Variants in EXT1 observed in about 807,000 individuals in gnomAD.
EXT1 encodes exostosin-1.
EXT1 carries 20 observed loss-of-function variants against 82.5 expected under a neutral mutation model. The ratio of observed to expected loss-of-function variants is 0.24; its 90% CI spans 0.17 to 0.35. The LOEUF is 0.35. EXT1 is among the 10% of genes least tolerant of loss of function. The pLI, the probability that EXT1 is intolerant of heterozygous loss-of-function variation, is 1.00. For synonymous variants in EXT1, 348 were observed against 350.8 expected, an observed-to-expected ratio of 0.99 and a Z score of 0.09; for missense variants, 757 against 936.5, an observed-to-expected ratio of 0.81 and a Z score of 2.50.
intron 1 of EXT1, among the ~76,000 whole-genome samples, chr8:117,975,815 C>A (rs1461096265): frequency 6.6e-6 from 1 of 152,198 alleles, no homozygotes; most frequent in Non-Finnish European, 1.5e-5. Flanking sequence ...AACCTCCTTG[C>A]TCTGTAGTTT....
At chr8:117,831,019 T>C (rs1305042773) in intron 3 of EXT1, among the ~76,000 whole-genome samples, 1 of 152,212 alleles carries the variant, frequency 6.6e-6, no homozygotes, top group Non-Finnish European at 1.5e-5. Context: ...TATATCTTGT[T>C]ATCCTGCTAC....
intron 1 of EXT1, among the ~76,000 whole-genome samples, chr8:117,847,549 T>C (rs1489802079): frequency 3.3e-5 from 5 of 152,194 alleles, no homozygotes; most frequent in Admixed American, 3.3e-4. Context: ...CTGAACCTTC[T>C]CCTGGCCTTC....
At chr8:117,922,534 C>T (rs1341241958) in intron 1 of EXT1, among the ~76,000 whole-genome samples, 6 of 152,136 alleles carry the variant, frequency 3.9e-5, no homozygotes, top group Non-Finnish European at 8.8e-5. Context: ...AGTCAGTAAC[C>T]GATCCACCTT....
At chr8:117,942,491 C>T (rs909591025) in intron 1 of EXT1, among the ~76,000 whole-genome samples, 1 of 152,140 alleles carries the variant, frequency 6.6e-6, no homozygotes, top group Non-Finnish European at 1.5e-5. Flanking sequence ...GTGGGCAGAT[C>T]ACCTGAGGTC....
chr8:117,855,666 C>T (rs117863585), intron 1 of EXT1, among the ~76,000 whole-genome samples: 3,442 of 152,244 alleles, frequency 0.023, 51 homozygotes, highest in Non-Finnish European at 0.033. Context: ...TCACACGTCT[C>T]TCACTTTATT....
chr8:117,808,396 A>G (rs958489745), intron 8 of EXT1, among the ~76,000 whole-genome samples: 3 of 152,226 alleles, frequency 2.0e-5, no homozygotes, highest in Admixed American at 6.5e-5. Context: ...GGAAACTAAG[A>G]TATAAGTTCA....
intron 1 of EXT1, among the ~76,000 whole-genome samples, chr8:117,962,770 C>A (rs566912751): frequency 0.01 from 1,431 of 137,186 alleles, 53 homozygotes; most frequent in African/African-American, 0.043. Flanking sequence ...CCCCCACCCC[C>A]AAAAAAAAGA....
intron 1 of EXT1, among the ~76,000 whole-genome samples, chr8:118,105,692 T>C (rs2130031970): frequency 6.6e-6 from 1 of 152,306 alleles, no homozygotes; most frequent in African/African-American, 2.4e-5. Flanking sequence ...TAGAAATGCT[T>C]TTGTGCTATT....
At chr8:117,897,867 C>T (rs951483446) in intron 1 of EXT1, among the ~76,000 whole-genome samples, 7 of 151,928 alleles carry the variant, frequency 4.6e-5, no homozygotes, top group African/African-American at 1.5e-4. Flanking sequence ...CCTCCCAAAA[C>T]GGTCGGATTA....
intron 1 of EXT1, among the ~76,000 whole-genome samples, chr8:117,912,918 A>G (rs1176684254): frequency 1.3e-5 from 2 of 152,192 alleles, no homozygotes; most frequent in African/African-American, 4.8e-5. Flanking sequence ...TAACAATGGG[A>G]CAACTGAGCA....
chr8:118,042,456 G>A (rs1163622226), intron 1 of EXT1, among the ~76,000 whole-genome samples: 1 of 151,960 alleles, frequency 6.6e-6, no homozygotes, highest in Non-Finnish European at 1.5e-5. Context: ...TACCACACCT[G>A]GCTAGTTTTT....
At chr8:118,065,903 A>G (rs1816976613) in intron 1 of EXT1, among the ~76,000 whole-genome samples, 1 of 152,240 alleles carries the variant, frequency 6.6e-6, no homozygotes, top group Non-Finnish European at 1.5e-5. Flanking sequence ...GACCTTGGAC[A>G]TGGGACTGAG....
At chr8:117,898,658 G>A (rs182561128) in intron 1 of EXT1, among the ~76,000 whole-genome samples, 1 of 152,234 alleles carries the variant, frequency 6.6e-6, no homozygotes, top group Admixed American at 6.5e-5. Flanking sequence ...AGCACAAAAC[G>A]TCCTAAAAAG....
At chr8:117,910,533 C>T (rs1177078101) in intron 1 of EXT1, among the ~76,000 whole-genome samples, 1 of 151,996 alleles carries the variant, frequency 6.6e-6, no homozygotes, top group Non-Finnish European at 1.5e-5. Flanking sequence ...AGCCTGGGAA[C>T]AGATACACTG....
intron 1 of EXT1, among the ~76,000 whole-genome samples, chr8:117,867,420 C>T (rs887660865): frequency 2.0e-5 from 3 of 152,090 alleles, no homozygotes; most frequent in Non-Finnish European, 2.9e-5. Flanking sequence ...TGGGCAATTC[C>T]ATTTTTGGCT....
intron 1 of EXT1, among the ~76,000 whole-genome samples, chr8:118,040,589 G>A (rs1042241338): frequency 5.9e-5 from 9 of 152,150 alleles, no homozygotes; most frequent in African/African-American, 2.2e-4. Context: ...TAGATCCAAA[G>A]ACCACTGATA....
chr8:118,096,062 G>T (rs1817605040), intron 1 of EXT1, among the ~76,000 whole-genome samples: 1 of 152,164 alleles, frequency 6.6e-6, no homozygotes, highest in Non-Finnish European at 1.5e-5. Context: ...CTGGGGCAAT[G>T]CTTCAATATC....
At chr8:118,034,162 A>T (rs1816381237) in intron 1 of EXT1, among the ~76,000 whole-genome samples, 1 of 152,100 alleles carries the variant, frequency 6.6e-6, no homozygotes. Flanking sequence ...TAAAGAGATG[A>T]TTCTTCATTT....
chr8:117,854,853 C>A (rs1363518771), intron 1 of EXT1, among the ~76,000 whole-genome samples: 1 of 152,186 alleles, frequency 6.6e-6, no homozygotes, highest in African/African-American at 2.4e-5. Flanking sequence ...CCCTCTGAAT[C>A]TGAAGTAGAT....
Sources: allele counts gnomAD v4.1 joint callset (sites outside exome capture counted in the v4.1 genomes callset), GRCh38; gene constraint gnomAD v4.1.1; transcripts MANE v1.5; gene names NCBI Gene and HGNC (gene_info 2026-07-23, HGNC 2026-07-21).